The following LPP variants were observed in gnomAD, a reference collection of about 807,000 sequenced individuals.
The protein encoded by LPP is LIM domain containing preferred translocation partner in lipoma, also known as lipoma-preferred partner.
In LPP, 38 loss-of-function variants were observed where a neutral mutation model predicts 60.4. The observed-to-expected ratio is 0.63, with a 90% confidence interval of 0.49 to 0.83. The LOEUF (loss-of-function observed/expected upper bound fraction) is 0.83, where lower values mean the gene tolerates loss of function less well. Among genes scored for constraint, LPP ranks in the 40% least tolerant of loss-of-function variants. The pLI, the probability that LPP is intolerant of heterozygous loss-of-function variation, is 0.00. For synonymous variants in LPP, 328 were observed against 290.8 expected (o/e 1.13, Z -1.30); for missense variants, 902 against 783.6 (o/e 1.15, Z -1.80).
intron 1 of LPP, among the ~76,000 whole-genome samples, chr3:188,222,112 A>AGT (rs1715998788): frequency 6.6e-6 from 1 of 152,194 alleles, no homozygotes; most frequent in Admixed American, 6.5e-5. Flanking sequence ...GGATTTTATT[A>AGT]GTGTGTGTGT....
intron 7 of LPP, among the ~76,000 whole-genome samples, chr3:188,679,847 G>C (rs1038235142): frequency 6.6e-6 from 1 of 152,066 alleles, no homozygotes. Context: ...ACCATCTATT[G>C]TTATGCTCTG....
chr3:188,662,027 C>G (rs1321669198), intron 7 of LPP, among the ~76,000 whole-genome samples: 2 of 152,120 alleles, frequency 1.3e-5, no homozygotes, highest in African/African-American at 4.8e-5. Context: ...TTAGTGTGAC[C>G]AGAAAGAGAG....
intron 5 of LPP, among the ~76,000 whole-genome samples, chr3:188,494,496 A>G (rs1809356731): frequency 6.6e-6 from 1 of 152,006 alleles, no homozygotes; most frequent in South Asian, 2.1e-4. Flanking sequence ...ATCACTTTTG[A>G]CTGACTTTCA....
At chr3:188,404,846 T>A (rs1783065888) in intron 3 of LPP, among the ~76,000 whole-genome samples, 1 of 152,146 alleles carries the variant, frequency 6.6e-6, no homozygotes, top group Admixed American at 6.5e-5. Flanking sequence ...CTTCCGGGCG[T>A]CCCTGTGCTG....
At position 188,572,126 on chromosome 3, in the gene LPP, AG is replaced by A. The variant is rs1219182632; in HGVS notation, c.430-37032del. Reference sequence around the variant, plus strand: ...GATTTTGACTTGAAAAGTAATTCAAAGGGTTGAAATTTAAACGTAAAGAAAT... The same window carrying A: ...GATTTTGACTTGAAAAGTAATTCAAAGGTTGAAATTTAAACGTAAAGAAAT... On this transcript the variant is annotated intron_variant, in intron 6 of 11. Transcript: ENST00000617246. This position sits in a 1 kb window ranked among gnomAD's most constrained non-coding sequence, Gnocchi z 4.1. Among the ~76,000 whole-genome samples the A allele has an allele frequency of 1.3e-5, 2 of 152,062 alleles. No individual in the cohort carries two copies. The highest frequency in any genetic ancestry group is 4.8e-5 in the African/African-American group (2 of 41,416).
rs1221669493 is a variant in LPP at position 188,887,248 on chromosome 3, A to T, written c.*12769A>T. 1 of 220,510 alleles carries T rather than the reference A, an allele frequency of 4.5e-6. No homozygotes were observed. 13.7% of individuals were successfully genotyped at this position (220,510 alleles called of 1,614,324 possible). A position where few individuals can be genotyped will look rare whatever the true frequency, so the allele number is the denominator to read the frequency against. ...AATGGGAAGAGCTAGCTTTTCTTAG[A>T]TACATTTCTTCCTTTTTTATTCTTT... is the stretch of plus-strand genomic sequence containing the variant. On this transcript the variant is annotated 3_prime_UTR_variant, in exon 12 of 12. Coordinates refer to ENST00000617246, the MANE Select transcript of LPP (RefSeq NM_001375462.1).
chr3:188,889,984 ATTTTTT>A lies in LPP; in HGVS notation c.*15510_*15515del. On this transcript the variant is annotated 3_prime_UTR_variant, in exon 12 of 12. Transcript: ENST00000617246. ...GTCATAAGGATGTTGGGATACAGAG[ATTTTTT>A]TTTTCCTTGGAAACAAATGGACTGG... is the stretch of plus-strand genomic sequence containing the variant. The A allele has an allele frequency of 4.8e-6, 1 of 208,780 alleles. No homozygotes were observed. Among genetic ancestry groups the A allele is most frequent in the Non-Finnish European group, 9.7e-6 (1 of 103,352 alleles). 12.9% of individuals were successfully genotyped at this position (208,780 alleles called of 1,614,324 possible).
intron 4 of LPP, among the ~76,000 whole-genome samples, chr3:188,450,755 A>G (rs1408617413): frequency 8.5e-5 from 13 of 152,076 alleles, no homozygotes; most frequent in Admixed American, 8.5e-4. Flanking sequence ...AAAAAAAAAA[A>G]AAAAATCTAT....
At chr3:188,857,820 G>C (rs1764197336) in intron 9 of LPP, among the ~76,000 whole-genome samples, 1 of 152,088 alleles carries the variant, frequency 6.6e-6, no homozygotes, top group African/African-American at 2.4e-5. Context: ...GAGAATTAAT[G>C]GTGAAGGGAA....
chr3:188,466,347 C>T (rs1800371785), intron 4 of LPP, among the ~76,000 whole-genome samples: 2 of 152,072 alleles, frequency 1.3e-5, no homozygotes, highest in Admixed American at 6.6e-5. Flanking sequence ...TCAGGAGGAG[C>T]TTTCTGGCTA....
intron 2 of LPP, among the ~76,000 whole-genome samples, chr3:188,328,748 C>T (rs145059236): frequency 1.9e-4 from 29 of 152,242 alleles, no homozygotes; most frequent in South Asian, 4.1e-4. Context: ...TGGTACTTCC[C>T]AGAGGTCACA....
At chr3:188,571,313 A>G (rs1355650931) in intron 6 of LPP, among the ~76,000 whole-genome samples, 2 of 152,076 alleles carry the variant, frequency 1.3e-5, no homozygotes, top group African/African-American at 2.4e-5. Context: ...TACCACATGT[A>G]TGTCCTAGTA....
chr3:188,592,557 G>GTTTTTTTTTTTTTTTTTT (rs1553936333), intron 6 of LPP, among the ~76,000 whole-genome samples: 4 of 85,742 alleles, frequency 4.7e-5, no homozygotes, highest in African/African-American at 1.8e-4. Context: ...TTTTGTTTTT[G>GTTTTTTTTTTTTTTTTTT]TTTTTTAAAT....
rs1877547 is a variant in LPP, at chr3:188,866,398, G to A, written c.1589+20G>A. ...CCACAAGTAGGCAACCTACTCTCTC[G>A]TCACCACCCTGCCAGTCCTTTTGGA... On this transcript the variant is annotated intron_variant, in intron 10 of 11. Coordinates refer to ENST00000617246, the MANE Select transcript of LPP (RefSeq NM_001375462.1). 0.16 allele frequency: 222,842 copies of A among 1,421,016 alleles called. 19,495 individuals are homozygous for A. The highest frequency in any genetic ancestry group is 0.18 in the Non-Finnish European group (190,246 of 1,072,052). 88.0% of individuals were successfully genotyped at this position (1,421,016 alleles called of 1,614,324 possible). A position where few individuals can be genotyped will look rare whatever the true frequency, so the allele number is the denominator to read the frequency against.
intron 8 of LPP, among the ~76,000 whole-genome samples, chr3:188,714,360 T>G (rs1051646517): frequency 9.9e-5 from 15 of 152,180 alleles, no homozygotes; most frequent in African/African-American, 3.6e-4. Context: ...GTCACTGATA[T>G]GTTTCAACTA....
At chr3:188,809,200 G>A (rs1750110623) in intron 9 of LPP, among the ~76,000 whole-genome samples, 2 of 152,250 alleles carry the variant, frequency 1.3e-5, no homozygotes, top group South Asian at 4.1e-4. Context: ...TATATATCCA[G>A]TAATGAGATT....
At chr3:188,341,555 G>C (rs901802823) in intron 2 of LPP, 108 bp from the exon 3 acceptor site, 3 of 268,628 alleles carry the variant, frequency 1.1e-5, no homozygotes. Context: ...AAAATGTTTT[G>C]TAAAACAAGA....
chr3:188,761,238 A>T (rs1017161868), intron 9 of LPP, among the ~76,000 whole-genome samples: 2 of 152,166 alleles, frequency 1.3e-5, no homozygotes, highest in African/African-American at 4.8e-5. Flanking sequence ...TGGGAGTCAT[A>T]CTTGGCTTTA....
intron 4 of LPP, among the ~76,000 whole-genome samples, chr3:188,441,609 C>CTTTCTTTTTTTTTTTTTTTTTT (rs1793886236): frequency 6.3e-4 from 35 of 55,652 alleles, no homozygotes; most frequent in Non-Finnish European, 8.2e-4. Context: ...CTTTTCTTTT[C>CTTTCTTTTTTTTTTTTTTTTTT]TTTTTTTTTT....
Sources: allele counts gnomAD v4.1 joint callset (sites outside exome capture counted in the v4.1 genomes callset), GRCh38; gene constraint gnomAD v4.1.1; non-coding constraint Gnocchi (gnomAD v3.1); transcripts MANE v1.5; gene names NCBI Gene and HGNC (gene_info 2026-07-23, HGNC 2026-07-21).